The following SMAD3 variants were observed in gnomAD, a reference collection of about 807,000 sequenced individuals.
The protein encoded by SMAD3 is SMAD family member 3.
Under a neutral mutation model 51.8 loss-of-function variants are expected in SMAD3, and 12 were observed. The observed-to-expected ratio is 0.23, with a 90% confidence interval of 0.15 to 0.38. The LOEUF (loss-of-function observed/expected upper bound fraction) is 0.38, where lower values mean the gene tolerates loss of function less well. Among genes scored for constraint, SMAD3 ranks in the 10% least tolerant of loss-of-function variants. The pLI, the probability that SMAD3 is intolerant of heterozygous loss-of-function variation, is 1.00. For missense variants in SMAD3, 294 were observed against 565.6 expected (o/e 0.52, Z 4.87); for synonymous variants, 238 against 227.7 (o/e 1.05, Z -0.41).
At chr15:67,166,462 G>C in intron 3 of SMAD3, 1 of 482,688 alleles carries the variant, frequency 2.1e-6, no homozygotes. Context: ...ACGCCTCCCT[G>C]GAGGGGGTGG....
chr15:67,189,420 G>A lies in SMAD3; in HGVS notation c.1155-993G>A, dbSNP rs1057124342. On this transcript the variant is annotated intron_variant, in intron 8 of 8. Transcript: ENST00000327367. ...TCTCCCGCTCCAAGTGCTAGGAAGA[G>A]GCTCTTTGGTGGCAGAGCCTTTCCC... is the stretch of plus-strand genomic sequence containing the variant. Among the ~76,000 whole-genome samples, 6 of 152,358 alleles carry A rather than the reference G, an allele frequency of 3.9e-5. No homozygotes were observed. In the South Asian group the frequency reaches 6.2e-4, roughly 16 times the overall value.
At chr15:67,181,861 C>T (rs1244560064) in intron 6 of SMAD3, among the ~76,000 whole-genome samples, 2 of 150,768 alleles carry the variant, frequency 1.3e-5, no homozygotes, top group Non-Finnish European at 2.9e-5. Context: ...TCTTGCCTCA[C>T]TGCAACCTCT....
At chr15:67,130,429 G>A (rs543918076) in intron 1 of SMAD3, among the ~76,000 whole-genome samples, 3 of 152,308 alleles carry the variant, frequency 2.0e-5, no homozygotes, top group South Asian at 2.1e-4. Context: ...TGAGCATTAC[G>A]GCCAGAGCTC....
Position 67,072,238 on chromosome 15 carries a change from T to G in SMAD3, c.206+5878T>G, listed in dbSNP as rs931264521. Among the ~76,000 whole-genome samples the G allele has an allele frequency of 2.0e-5, 3 of 152,190 alleles. No individual in the cohort carries two copies. The East Asian group carries it at 5.8e-4, about 29-fold the overall frequency. On this transcript the variant is annotated intron_variant, in intron 1 of 8. Coordinates refer to ENST00000327367, the MANE Select transcript of SMAD3 (RefSeq NM_005902.4). ...TTTAATGAACTGAGCGACCATTAATTTTTACTTGTTAATTTATTAGGAGAT... is the reference window on the plus strand; with the variant it reads ...TTTAATGAACTGAGCGACCATTAATGTTTACTTGTTAATTTATTAGGAGAT...
chr15:67,115,977 C>T (rs546691334), intron 1 of SMAD3, among the ~76,000 whole-genome samples: 28 of 152,292 alleles, frequency 1.8e-4, no homozygotes, highest in Admixed American at 1.6e-3. Flanking sequence ...TGTAGAGAGA[C>T]TTCTGTAACC....
At chr15:67,071,056 G>T (rs1960042153) in intron 1 of SMAD3, among the ~76,000 whole-genome samples, 1 of 152,164 alleles carries the variant, frequency 6.6e-6, no homozygotes, top group Admixed American at 6.5e-5. Flanking sequence ...TGTCTAGAGC[G>T]GGAGACAGAC....
rs1171875294 is a variant in SMAD3 at position 67,098,906 on chromosome 15, A to G, written c.206+32546A>G. ...GGTGGACTCCGTTCCTGAGGGGGCC[A>G]GTGTGGAGGAGGGTCAGGCAGCCCA... On this transcript the variant is annotated intron_variant, in intron 1 of 8. Coordinates refer to ENST00000327367, the MANE Select transcript of SMAD3 (RefSeq NM_005902.4). 10 of 702,272 alleles carry G rather than the reference A, an allele frequency of 1.4e-5. No homozygotes were observed. In the African/African-American group the frequency reaches 1.6e-4, roughly 11 times the overall value. The allele number at this position is 702,272 out of a possible 1,614,324, so 43.5% of individuals were successfully genotyped here.
intron 1 of SMAD3, among the ~76,000 whole-genome samples, chr15:67,085,469 G>A (rs1230815828): frequency 6.6e-6 from 1 of 152,200 alleles, no homozygotes; most frequent in Non-Finnish European, 1.5e-5. Context: ...TTACTCATTT[G>A]AATAGTTTCA....
chr15:67,144,246 T>A (rs1961913112), intron 1 of SMAD3, among the ~76,000 whole-genome samples: 1 of 152,234 alleles, frequency 6.6e-6, no homozygotes, highest in South Asian at 2.1e-4. Context: ...AATGGAATCA[T>A]ACTATATGTA....
At chr15:67,159,429 A>G (rs961689402) in intron 1 of SMAD3, among the ~76,000 whole-genome samples, 1 of 152,164 alleles carries the variant, frequency 6.6e-6, no homozygotes, top group Non-Finnish European at 1.5e-5. Flanking sequence ...TCAACTTTGT[A>G]CAGTTAGCAA....
chr15:67,133,079 G>A (rs890970695), intron 1 of SMAD3, among the ~76,000 whole-genome samples: 3 of 152,084 alleles, frequency 2.0e-5, no homozygotes, highest in South Asian at 4.1e-4. Flanking sequence ...TTTGTGGCCC[G>A]TCCTGTATTA....
At chr15:67,154,369 A>G (rs976394864) in intron 1 of SMAD3, among the ~76,000 whole-genome samples, 2 of 152,222 alleles carry the variant, frequency 1.3e-5, no homozygotes, top group African/African-American at 2.4e-5. Flanking sequence ...GGGTTATGAA[A>G]TCCTGTTTTC....
rs138714804 is a variant in SMAD3, at chr15:67,185,984, G to A, written c.1009+1120G>A. Among the ~76,000 whole-genome samples the A allele has an allele frequency of 3.4e-3, 513 of 152,386 alleles. 2 individuals carry two copies. Among genetic ancestry groups the A allele is most frequent in the Non-Finnish European group, 5.7e-3 (391 of 68,044 alleles). On this transcript the variant is annotated intron_variant, in intron 7 of 8. Transcript: ENST00000327367. ...GGAAACTTTAGAATGCAGAAAGTCT[G>A]AAATGATAATAGCACACCAGGTTTC...
chr15:67,142,639 GT>G (rs1444384855), intron 1 of SMAD3: 2 of 278,974 alleles, frequency 7.2e-6, no homozygotes, highest in Non-Finnish European at 1.5e-5. Context: ...TGGACATCTG[GT>G]TTGTTTTGGA....
intron 1 of SMAD3, among the ~76,000 whole-genome samples, chr15:67,076,300 A>G (rs545906133): frequency 2.9e-4 from 44 of 152,340 alleles, no homozygotes; most frequent in Non-Finnish European, 6.0e-4. Context: ...GACTAAAAAT[A>G]ATAGTACTAA....
intron 1 of SMAD3, among the ~76,000 whole-genome samples, chr15:67,091,857 A>G (rs1960514721): frequency 6.6e-6 from 1 of 152,228 alleles, no homozygotes; most frequent in South Asian, 2.1e-4. Flanking sequence ...AGGGAATTTA[A>G]TACGGGACCT....
At chr15:67,155,841 G>A (rs955668719) in intron 1 of SMAD3, among the ~76,000 whole-genome samples, 3 of 152,028 alleles carry the variant, frequency 2.0e-5, no homozygotes, top group African/African-American at 7.2e-5. Flanking sequence ...CAAAAATTTA[G>A]CCGGGTGTGG....
Position 67,165,397 on chromosome 15 carries a change from G to A in SMAD3, c.532+13G>A, listed in dbSNP as rs767916235. On this transcript the variant is annotated intron_variant, in intron 3 of 8. Coordinates refer to ENST00000327367, the MANE Select transcript of SMAD3 (RefSeq NM_005902.4). ...AGCAATATTCCAGGTAGGCACGTGG[G>A]CGGCACAGGCTGGCCTGGGAGGCAG... 8 of 1,613,704 alleles carry A rather than the reference G, an allele frequency of 5.0e-6. No homozygotes were observed. The highest frequency in any genetic ancestry group is 1.7e-5 in the Admixed American group (1 of 60,000).
At chr15:67,098,944 A>G (rs1436863667) in intron 1 of SMAD3, 1 of 702,314 alleles carries the variant, frequency 1.4e-6, no homozygotes, top group Non-Finnish European at 2.6e-6. Flanking sequence ...GAGATGGGAC[A>G]GTGTTCTGAA....
Sources: allele counts gnomAD v4.1 joint callset (sites outside exome capture counted in the v4.1 genomes callset), GRCh38; gene constraint gnomAD v4.1.1; transcripts MANE v1.5; gene names NCBI Gene and HGNC (gene_info 2026-07-23, HGNC 2026-07-21).